The following ZNF577 variants were observed in gnomAD, a reference collection of about 807,000 sequenced individuals.
The protein encoded by ZNF577 is zinc finger protein 577.
In ZNF577, 14 loss-of-function variants were observed where a neutral mutation model predicts 13.9. The ratio of observed to expected loss-of-function variants is 1.00; its 90% CI spans 0.66 to 1.57. The LOEUF (loss-of-function observed/expected upper bound fraction) is 1.57. Among genes scored for constraint, ZNF577 ranks in the 40% most tolerant of loss-of-function variants. ZNF577 has a pLI of 0.00. For missense variants in ZNF577, 555 were observed against 579.2 expected (o/e 0.96, Z 0.43); for synonymous variants, 203 against 202.9 (o/e 1.00, Z 0.00).
chr19:51,872,085 A>G lies in ZNF577; in HGVS notation c.*447T>C, dbSNP rs1223245761. Reference sequence around the variant, plus strand: ...AAGATTTCATTAAACACGTCCCTCCAAGACTCTCAAGACATAAAAGTATGA... The same window carrying G: ...AAGATTTCATTAAACACGTCCCTCCGAGACTCTCAAGACATAAAAGTATGA... On this transcript the variant is annotated 3_prime_UTR_variant, in exon 6 of 6. Coordinates refer to ENST00000638348, the MANE Select transcript of ZNF577 (RefSeq NM_001370449.1). 2 of 155,432 alleles carry G rather than the reference A, an allele frequency of 1.3e-5. No homozygotes were observed. Among genetic ancestry groups the G allele is most frequent in the East Asian group, 1.9e-4 (1 of 5,244 alleles). The allele number at this position is 155,432 out of a possible 1,614,324, so 9.6% of individuals were successfully genotyped here.
In ZNF577 at chr19:51,877,233, G is replaced by A. The variant is rs1289141666; in HGVS notation, c.283+49C>T. Reference sequence around the variant, plus strand: ...AGCATCAACCCTTCTCCGACCAGCTGGGATTTGCATGCCATTTCTCCCCAT... The same window carrying A: ...AGCATCAACCCTTCTCCGACCAGCTAGGATTTGCATGCCATTTCTCCCCAT... On this transcript the variant is annotated intron_variant, in intron 5 of 5. Transcript: ENST00000638348. The A allele has an allele frequency of 4.0e-6, 6 of 1,516,804 alleles. No homozygotes were observed. In the South Asian group the frequency reaches 4.5e-5, roughly 11 times the overall value. 94.0% of individuals were successfully genotyped at this position (1,516,804 alleles called of 1,614,324 possible).
chr19:51,828,638 A>T (rs2084244138), intron 9 of ZNF577, among the ~76,000 whole-genome samples: 9 of 152,234 alleles, frequency 5.9e-5, no homozygotes, highest in Non-Finnish European at 8.8e-5. Context: ...GGGTTCAGGA[A>T]ACTGAGATTT....
At chr19:51,877,815 TC>T (rs1486558954) in intron 4 of ZNF577, 1 of 160,334 alleles carries the variant, frequency 6.2e-6, no homozygotes, top group African/African-American at 2.4e-5. Context: ...ACACCCATAT[TC>T]ATAGCAACAT....
chr19:51,844,746 T>TA (rs2084341446), intron 6 of ZNF577: 1 of 152,200 alleles, frequency 6.6e-6, no homozygotes, highest in Non-Finnish European at 1.5e-5. Flanking sequence ...GGGAAGTAAA[T>TA]AAACACCTCA....
rs2084665129 is a variant in ZNF577, at chr19:51,871,900, G to A, written c.*632C>T. 6.6e-6 allele frequency: 1 copy of A among 152,160 alleles called. No homozygotes were observed. The highest frequency in any genetic ancestry group is 2.4e-5 in the African/African-American group (1 of 41,414). The allele number at this position is 152,160 out of a possible 1,614,324, so 9.4% of individuals were successfully genotyped here. A position where few individuals can be genotyped will look rare whatever the true frequency, so the allele number is the denominator to read the frequency against. ...GATGTAGCCCCGTGAGATGCATTTG[G>A]ACTTCAGTCCTCCAGAACTGTAAGA... On this transcript the variant is annotated 3_prime_UTR_variant, in exon 6 of 6. Coordinates refer to ENST00000638348, the MANE Select transcript of ZNF577 (RefSeq NM_001370449.1).
intron 9 of ZNF577, among the ~76,000 whole-genome samples, chr19:51,822,878 G>T (rs1291051244): frequency 6.6e-6 from 1 of 151,754 alleles, no homozygotes. Context: ...TTTTTTTGTG[G>T]GGGGAAATGG....
At position 51,887,433 on chromosome 19, in the gene ZNF577, T is replaced by C. The variant is rs2084965715; in HGVS notation, c.-831A>G. 1 of 152,182 alleles carries C rather than the reference T, an allele frequency of 6.6e-6. No homozygotes were observed. The highest frequency in any genetic ancestry group is 2.4e-5 in the African/African-American group (1 of 41,418). 9.4% of individuals were successfully genotyped at this position (152,182 alleles called of 1,614,324 possible). On this transcript the variant is annotated 5_prime_UTR_variant, in exon 1 of 6. Coordinates refer to ENST00000638348, the MANE Select transcript of ZNF577 (RefSeq NM_001370449.1). ...TTTTCTGGAGGAGTATTTAAAATGA[T>C]GGGGATGTTATTACTTGGGTCGCAA...
intron 2 of ZNF577, 112 bp from the exon 3 acceptor site, chr19:51,880,513 T>A (rs1345223500): frequency 3.5e-6 from 3 of 864,226 alleles, no homozygotes; most frequent in African/African-American, 3.4e-5. Context: ...GATCCATATA[T>A]CTTGTTTCTT....
intron 9 of ZNF577, among the ~76,000 whole-genome samples, chr19:51,830,042 A>C (rs189672048): frequency 2.0e-5 from 3 of 151,814 alleles, no homozygotes; most frequent in African/African-American, 7.2e-5. Context: ...TAGGAGTTTT[A>C]TAATTTTGTC....
intron 5 of ZNF577, among the ~76,000 whole-genome samples, chr19:51,852,843 T>C (rs891891736): frequency 3.3e-5 from 5 of 152,230 alleles, no homozygotes; most frequent in African/African-American, 9.6e-5. Context: ...TTTGTAATGA[T>C]ATGAATGTTT....
rs552106722 is a variant in ZNF577 at position 51,835,988 on chromosome 19, C to T, written c.*599+3905G>A. Reference sequence around the variant, plus strand: ...GATTACAGGCGTGAGCCACCGCACCCGACCTTGAAATCAATATCTTAAGTA... The same window carrying T: ...GATTACAGGCGTGAGCCACCGCACCTGACCTTGAAATCAATATCTTAAGTA... On this transcript the variant is annotated intron_variant and NMD_transcript_variant, in intron 9 of 10. Transcript: ENST00000638827. Among the ~76,000 whole-genome samples, 12 of 152,274 alleles carry T rather than the reference C, an allele frequency of 7.9e-5. No individual in the cohort carries two copies. The East Asian group carries it at 2.3e-3, about 29-fold the overall frequency.
intron 10 of ZNF577, among the ~76,000 whole-genome samples, chr19:51,805,487 G>A (rs2084052290): frequency 1.3e-5 from 2 of 152,076 alleles, no homozygotes; most frequent in African/African-American, 4.8e-5. Flanking sequence ...CTTGCAAATG[G>A]GCTTTCACAA....
chr19:51,844,953 T>C (rs1210438977), intron 5 of ZNF577: 1 of 152,220 alleles, frequency 6.6e-6, no homozygotes, highest in Non-Finnish European at 1.5e-5. Context: ...AACAAAAATG[T>C]GTTTTAAAGT....
chr19:51,818,655 A>G (rs554783032), intron 9 of ZNF577, among the ~76,000 whole-genome samples: 1 of 152,156 alleles, frequency 6.6e-6, no homozygotes, highest in South Asian at 2.1e-4. Flanking sequence ...CCAGAGGAAG[A>G]TCATAGTAGG....
chr19:51,824,799 C>T lies in ZNF577; in HGVS notation c.*600-13125G>A, dbSNP rs2084219984. ...TTCACCTCCTGAGGAGACGGAGTTA[C>T]AAGCAATGTGAGGTCGGGGATATTT... is the stretch of plus-strand genomic sequence containing the variant. On this transcript the variant is annotated intron_variant and NMD_transcript_variant, in intron 9 of 10. Transcript: ENST00000638827. This position sits in a 1 kb window ranked among gnomAD's most constrained non-coding sequence, Gnocchi z 4.7. 3.1e-6 allele frequency: 5 copies of T among 1,609,498 alleles called. No homozygotes were observed. In the African/African-American group the frequency reaches 5.3e-5, roughly 17 times the overall value.
chr19:51,875,410 A>G (rs1391969458), intron 5 of ZNF577, among the ~76,000 whole-genome samples: 1 of 151,494 alleles, frequency 6.6e-6, no homozygotes, highest in Admixed American at 6.6e-5. Context: ...GTGCCCTGGC[A>G]TAGTCAAAAA....
chr19:51,846,282 A>G (rs1017290046), intron 5 of ZNF577, among the ~76,000 whole-genome samples: 3 of 152,236 alleles, frequency 2.0e-5, no homozygotes, highest in African/African-American at 7.2e-5. Flanking sequence ...TAAAAGGTAT[A>G]CATTTGCATA....
intron 5 of ZNF577, among the ~76,000 whole-genome samples, chr19:51,855,340 C>CCAGT (rs34540338): frequency 0.38 from 56,949 of 149,566 alleles, 11,876 homozygotes; most frequent in African/African-American, 0.55. Context: ...TTTCTCTGAG[C>CCAGT]AAGTTTTCCA....
chr19:51,882,983 T>C (rs971283366), intron 1 of ZNF577, among the ~76,000 whole-genome samples: 7 of 148,736 alleles, frequency 4.7e-5, no homozygotes, highest in African/African-American at 1.8e-4. Flanking sequence ...GTGTGGGCTT[T>C]TTAAAAAAAA....
Sources: allele counts gnomAD v4.1 joint callset (sites outside exome capture counted in the v4.1 genomes callset), GRCh38; gene constraint gnomAD v4.1.1; non-coding constraint Gnocchi (gnomAD v3.1); transcripts MANE v1.5; gene names NCBI Gene and HGNC (gene_info 2026-07-23, HGNC 2026-07-21).